SOX8: variants seen among roughly 807,000 people sequenced by gnomAD.
SOX8 encodes SRY-box transcription factor 8, also known as transcription factor SOX-8.
A neutral mutation model predicts 22.9 loss-of-function variants in SOX8; 9 were observed. The observed-to-expected ratio is 0.39, with a 90% CI of 0.24 to 0.69. SOX8 has a LOEUF of 0.69. Among genes scored for constraint, SOX8 ranks in the 30% least tolerant of loss-of-function variants. The probability of loss-of-function intolerance (pLI) is 0.43; values close to 1 mark genes in which losing one functional copy is unlikely to be tolerated. For synonymous variants in SOX8, 416 were observed against 330.6 expected, an observed-to-expected ratio of 1.26 and a Z score of -2.80; for missense variants, 734 against 699.4, an observed-to-expected ratio of 1.05 and a Z score of -0.56.
In SOX8 at chr16:981,805, A is replaced by C; in HGVS notation, c.-118A>C. On this transcript the variant is annotated 5_prime_UTR_variant, in exon 1 of 3. Transcript: ENST00000293894. ...CCTCGGCGGCGGCGGCGGCGGCGGC[A>C]GGGGCGAGGGTCGGGGCCACCGCGC... 3.1e-6 allele frequency: 1 copy of C among 320,446 alleles called. No homozygotes were observed. The highest frequency in any genetic ancestry group is 4.3e-6 in the Non-Finnish European group (1 of 234,132). The allele number at this position is 320,446 out of a possible 1,614,324, so 19.9% of individuals were successfully genotyped here.
Position 985,570 on chromosome 16 carries a change from G to C in SOX8, c.*184G>C, listed in dbSNP as rs2073453146. 1 of 544,032 alleles carries C rather than the reference G, an allele frequency of 1.8e-6. No individual in the cohort carries two copies. Among genetic ancestry groups the C allele is most frequent in the East Asian group, 3.1e-5 (1 of 31,992 alleles). The allele number at this position is 544,032 out of a possible 1,614,324, so 33.7% of individuals were successfully genotyped here. A position where few individuals can be genotyped will look rare whatever the true frequency, so the allele number is the denominator to read the frequency against. On this transcript the variant is annotated 3_prime_UTR_variant, in exon 3 of 3. Transcript: ENST00000293894. Reference sequence around the variant, plus strand: ...GATGGCCACACCTCTGCCGACGACGGACCAGCTCCCTCTCCCTTCTATCTT... The same window carrying C: ...GATGGCCACACCTCTGCCGACGACGCACCAGCTCCCTCTCCCTTCTATCTT...
At position 985,692 on chromosome 16, in the gene SOX8, C is replaced by T. The variant is rs2073454999; in HGVS notation, c.*306C>T. On this transcript the variant is annotated 3_prime_UTR_variant, in exon 3 of 3. Transcript: ENST00000293894. ...GCACCAGCACCTTCGCTTTGCATCT[C>T]GGTAGAGGAGAAACGGCAGCACAGC... 8.2e-6 allele frequency: 3 copies of T among 365,864 alleles called. No homozygotes were observed. The highest frequency in any genetic ancestry group is 4.9e-5 in the East Asian group (1 of 20,424). The allele number at this position is 365,864 out of a possible 1,614,324, so 22.7% of individuals were successfully genotyped here.
Position 985,486 on chromosome 16 carries a change from C to A in SOX8, c.*100C>A. The A allele has an allele frequency of 2.1e-6, 2 of 972,762 alleles. No individual in the cohort carries two copies. Among genetic ancestry groups the A allele is most frequent in the Non-Finnish European group, 2.9e-6 (2 of 684,074 alleles). The allele number at this position is 972,762 out of a possible 1,614,324, so 60.3% of individuals were successfully genotyped here. On this transcript the variant is annotated 3_prime_UTR_variant, in exon 3 of 3. Transcript: ENST00000293894. ...GGGAGGGGCCCCAGTGGCTGAGCTCCAAGTGCCTGCTGAAGTCTGCAGGGA... is the reference window on the plus strand; with the variant it reads ...GGGAGGGGCCCCAGTGGCTGAGCTCAAAGTGCCTGCTGAAGTCTGCAGGGA...
chr16:982,235 C>G lies in SOX8; in HGVS notation c.313C>G (p.Pro105Ala). 6.5e-7 allele frequency: 1 copy of G among 1,549,944 alleles called. No individual in the cohort carries two copies. Among genetic ancestry groups the G allele is most frequent in the Non-Finnish European group, 8.7e-7 (1 of 1,155,724 alleles). ...ALKAKPHVKR[P>A]MNAFMVWAQA... ...CAAAGCCAAGCCGCATGTGAAGCGGCCCATGAACGCATTCATGGTGTGGGC... is the reference window on the plus strand; with the variant it reads ...CAAAGCCAAGCCGCATGTGAAGCGGGCCATGAACGCATTCATGGTGTGGGC... The change falls in exon 1 of 3, where the codon CCC becomes GCC. Residue 105 changes from proline to alanine, a missense_variant. Coordinates refer to ENST00000293894, the MANE Select transcript of SOX8 (RefSeq NM_014587.5).
chr16:984,930 C>A lies in SOX8; in HGVS notation c.885C>A (p.Ala295=), dbSNP rs56253414. Residue 295 remains alanine, a synonymous_variant, in exon 3 of 3, where the codon GCC becomes GCA. Transcript: ENST00000293894. The part of the protein sequence containing the change: ...FDQYLPLGGP[A]PPEPGQAYGG... ...AGTACCTGCCCCTGGGCGGCCCCGC[C>A]CCACCCGAGCCGGGCCAGGCCTATG... 25,627 of 1,602,886 alleles carry A rather than the reference C, an allele frequency of 0.016. 308 individuals are homozygous for A. Among genetic ancestry groups the A allele is most frequent in the South Asian group, 0.046 (4,124 of 90,188 alleles).
chr16:984,202 G>C (rs770519168), intron 2 of SOX8, among the ~76,000 whole-genome samples: 23 of 152,244 alleles, frequency 1.5e-4, no homozygotes, highest in Non-Finnish European at 3.2e-4. Flanking sequence ...GGGACCCCGA[G>C]AGGTGGTGTT....
Position 984,691 on chromosome 16 carries a change from C to T in SOX8, c.656-10C>T, listed in dbSNP as rs2073438526. On this transcript the variant is annotated splice_polypyrimidine_tract_variant and intron_variant, in intron 2 of 2. Coordinates refer to ENST00000293894, the MANE Select transcript of SOX8 (RefSeq NM_014587.5). ...GCATTCATCCCTGAAGCCTGCTCTC[C>T]TGTCCCCAGGGCAGACCCACGGGCC... The T allele has an allele frequency of 6.7e-7, 1 of 1,490,070 alleles. No homozygotes were observed. Among genetic ancestry groups the T allele is most frequent in the Non-Finnish European group, 8.9e-7 (1 of 1,122,094 alleles). 92.3% of individuals were successfully genotyped at this position (1,490,070 alleles called of 1,614,324 possible).
Position 984,956 on chromosome 16 carries a change from G to A in SOX8, c.911G>A (p.Gly304Glu). 6.3e-7 allele frequency: 1 copy of A among 1,598,652 alleles called. No individual in the cohort carries two copies. The highest frequency in any genetic ancestry group is 2.3e-5 in the East Asian group (1 of 44,274). The stretch of plus-strand genomic sequence containing the variant: ...CCACCCGAGCCGGGCCAGGCCTATG[G>A]GGGCGCCTACTTCCACGCCGGGGCG... ...PAPPEPGQAY[G>E]GAYFHAGASP... The change falls in exon 3 of 3, where the codon GGG becomes GAG. Residue 304 changes from glycine (G) to glutamate (E), a missense_variant. Coordinates refer to ENST00000293894, the MANE Select transcript of SOX8 (RefSeq NM_014587.5).
chr16:984,568 G>A (rs1015507388), intron 2 of SOX8, 133 bp from the exon 3 acceptor site: 3 of 584,420 alleles, frequency 5.1e-6, no homozygotes, highest in Admixed American at 6.6e-5. Context: ...GAATTTCTGG[G>A]AAATGTAAAG....
rs1209932818 is a variant in SOX8 at position 982,525 on chromosome 16, G to A, written c.422+181G>A. Reference sequence around the variant, plus strand: ...GTGGAAAAACATCCTCTGGCCAGCCGGGGTCCGGCGCCAGCTATGGGAGTC... The same window carrying A: ...GTGGAAAAACATCCTCTGGCCAGCCAGGGTCCGGCGCCAGCTATGGGAGTC... On this transcript the variant is annotated intron_variant, in intron 1 of 2. Coordinates refer to ENST00000293894, the MANE Select transcript of SOX8 (RefSeq NM_014587.5). The A allele has an allele frequency of 9.7e-6, 6 of 619,218 alleles. No homozygotes were observed. In the African/African-American group the frequency reaches 1.1e-4, roughly 12 times the overall value. The allele number at this position is 619,218 out of a possible 1,614,324, so 38.4% of individuals were successfully genotyped here. A position where few individuals can be genotyped will look rare whatever the true frequency, so the allele number is the denominator to read the frequency against.
In SOX8 at chr16:984,060, G is replaced by A. The variant is rs772640450; in HGVS notation, c.655+100G>A. The A allele has an allele frequency of 4.4e-5, 47 of 1,060,000 alleles. 1 individual carries two copies. The highest frequency in any genetic ancestry group is 4.4e-4 in the South Asian group (21 of 47,450). The allele number at this position is 1,060,000 out of a possible 1,614,324, so 65.7% of individuals were successfully genotyped here. On this transcript the variant is annotated intron_variant, in intron 2 of 2. Coordinates refer to ENST00000293894, the MANE Select transcript of SOX8 (RefSeq NM_014587.5). ...TGCATGATGGTGGAGGGGGGCAGGC[G>A]CCCTCGAGAGAACCGGGCCTTCCCC...
At position 985,481 on chromosome 16, in the gene SOX8, AG is replaced by A; in HGVS notation, c.*96del. On this transcript the variant is annotated 3_prime_UTR_variant, in exon 3 of 3. Coordinates refer to ENST00000293894, the MANE Select transcript of SOX8 (RefSeq NM_014587.5). ...AGGGCGGGAGGGGCCCCAGTGGCTG[AG>A]CTCCAAGTGCCTGCTGAAGTCTGCA... 9.7e-7 allele frequency: 1 copy of A among 1,033,694 alleles called. No homozygotes were observed. Among genetic ancestry groups the A allele is most frequent in the Non-Finnish European group, 1.4e-6 (1 of 739,084 alleles). The allele number at this position is 1,033,694 out of a possible 1,614,324, so 64.0% of individuals were successfully genotyped here.
rs1001106016 is a variant in SOX8 at position 985,425 on chromosome 16, G to C, written c.*39G>C. 1 of 1,458,394 alleles carries C rather than the reference G, an allele frequency of 6.9e-7. No homozygotes were observed. The highest frequency in any genetic ancestry group is 9.1e-7 in the Non-Finnish European group (1 of 1,095,994). 90.3% of individuals were successfully genotyped at this position (1,458,394 alleles called of 1,614,324 possible). A position where few individuals can be genotyped will look rare whatever the true frequency, so the allele number is the denominator to read the frequency against. On this transcript the variant is annotated 3_prime_UTR_variant, in exon 3 of 3. Coordinates refer to ENST00000293894, the MANE Select transcript of SOX8 (RefSeq NM_014587.5). ...GGGAGGGACTCGCAGGCGTCAGGGG[G>C]CAGCCTTGTCCCGGCCCAGTGTGTG...
At position 982,224 on chromosome 16, in the gene SOX8, A is replaced by C. The variant is rs1395101280; in HGVS notation, c.302A>C (p.His101Pro). The change falls in exon 1 of 3, where the codon CAT (histidine) becomes CCT (proline). Residue 101 changes from histidine to proline, a missense_variant. His to Pro is a moderately conservative substitution (Grantham distance 77). Transcript: ENST00000293894. Reference sequence around the variant, plus strand: ...GGCGGCGCGCTCAAAGCCAAGCCGCATGTGAAGCGGCCCATGAACGCATTC... The same window carrying C: ...GGCGGCGCGCTCAAAGCCAAGCCGCCTGTGAAGCGGCCCATGAACGCATTC... The part of the protein sequence containing the change: ...GGGGALKAKP[H>P]VKRPMNAFMV... The C allele has an allele frequency of 1.3e-6, 2 of 1,544,434 alleles. No homozygotes were observed. Among genetic ancestry groups the C allele is most frequent in the East Asian group, 2.5e-5 (1 of 39,580 alleles).
intron 1 of SOX8, 94 bp downstream of exon 1, chr16:982,438 A>G (rs1323911866): frequency 8.1e-7 from 1 of 1,231,830 alleles, no homozygotes; most frequent in East Asian, 3.2e-5. Flanking sequence ...GAGCTCGCGG[A>G]GGTGGTGGCC....
In SOX8 at chr16:985,151, C is replaced by T. The variant is rs774000402; in HGVS notation, c.1106C>T (p.Pro369Leu). ...TGCAGCGGCCAGTCCAGCGCCACCC[C>T]GGCCGCCCCCGCCGGCCCCTTCGCC... Reference protein sequence around the residue: ...GSCSGQSSATPAAPAGPFAGS... With the variant: ...GSCSGQSSATLAAPAGPFAGS... Residue 369 changes from proline to leucine, a missense_variant, in exon 3 of 3, where the codon CCG becomes CTG. Physicochemically the swap from Pro to Leu is moderately conservative, Grantham distance 98. This residue lies in a region of SOX8 where 588 missense variants were observed against 568.2 expected (regional missense o/e 1.03). Coordinates refer to ENST00000293894, the MANE Select transcript of SOX8 (RefSeq NM_014587.5). 1.1e-5 allele frequency: 18 copies of T among 1,603,732 alleles called. No individual in the cohort carries two copies. The highest frequency in any genetic ancestry group is 3.3e-5 in the South Asian group (3 of 90,356).
intron 1 of SOX8, chr16:982,786 C>A (rs781427088): frequency 2.0e-4 from 32 of 159,472 alleles, no homozygotes; most frequent in Non-Finnish European, 3.3e-4. Flanking sequence ...AGCTCCTGGA[C>A]CACCCATGGG....
chr16:984,717 G>GCCCCCCC lies in SOX8; in HGVS notation c.675_676insCCCCCCC (p.Thr226ProfsTer256). On this transcript the variant is annotated frameshift_variant, in exon 3 of 3. Transcript: ENST00000293894. LOFTEE classifies it low-confidence loss of function (END_TRUNC). ...TGTCCCCAGGGCAGACCCACGGGCC[G>GCCCCCCC]CCCACCCCGCCCACCACCCCCAAGA... is the stretch of plus-strand genomic sequence containing the variant. 6 of 1,543,450 alleles carry GCCCCCCC rather than the reference G, an allele frequency of 3.9e-6. No individual in the cohort carries two copies. The highest frequency in any genetic ancestry group is 1.9e-5 in the Admixed American group (1 of 52,098).
At chr16:982,391 CT>C (rs2073403404) in intron 1 of SOX8, 47 bp downstream of exon 1, 3 of 1,300,004 alleles carry the variant, frequency 2.3e-6, no homozygotes, top group Middle Eastern at 2.9e-4. Flanking sequence ...TTGGCCGCCC[CT>C]GGTCTCGGAC....
Sources: allele counts gnomAD v4.1 joint callset (sites outside exome capture counted in the v4.1 genomes callset), GRCh38; gene constraint gnomAD v4.1.1; regional missense constraint gnomAD v4.1.1; transcripts MANE v1.5; gene names NCBI Gene and HGNC (gene_info 2026-07-23, HGNC 2026-07-21).